CNIH3: variants seen among roughly 807,000 people sequenced by gnomAD.
CNIH3 encodes the protein protein cornichon homolog 3.
A neutral mutation model predicts 24.1 loss-of-function variants in CNIH3; 14 were observed. That is an observed-to-expected ratio of 0.58 (90% CI 0.38 to 0.91). CNIH3 has a LOEUF of 0.91. CNIH3 is among the 40% of genes least tolerant of loss of function. The pLI, the probability that CNIH3 is intolerant of heterozygous loss-of-function variation, is 0.00. For synonymous variants in CNIH3, 68 were observed against 73.8 expected, an observed-to-expected ratio of 0.92 and a Z score of 0.40; for missense variants, 178 against 196.8, an observed-to-expected ratio of 0.90 and a Z score of 0.57.
intron 3 of CNIH3, among the ~76,000 whole-genome samples, chr1:224,561,012 C>T (rs573392977): frequency 4.3e-4 from 66 of 152,250 alleles, no homozygotes; most frequent in African/African-American, 1.6e-3. Flanking sequence ...TGTTTACTGG[C>T]CATTTGCATG....
intron 4 of CNIH3, among the ~76,000 whole-genome samples, chr1:224,582,914 A>C (rs990612683): frequency 6.6e-6 from 1 of 152,030 alleles, no homozygotes; most frequent in African/African-American, 2.4e-5. Flanking sequence ...TCTCCATGGT[A>C]CTCGGCCACA....
intron 3 of CNIH3, among the ~76,000 whole-genome samples, chr1:224,557,754 G>A (rs1178742934): frequency 1.3e-5 from 2 of 152,158 alleles, no homozygotes; most frequent in African/African-American, 4.8e-5. Context: ...ACCACACCTG[G>A]CCCTCAACCA....
intron 2 of CNIH3, among the ~76,000 whole-genome samples, chr1:224,535,893 G>A (rs896022457): frequency 2.6e-5 from 4 of 152,220 alleles, no homozygotes; most frequent in African/African-American, 9.6e-5. Flanking sequence ...TCCTGTAGAG[G>A]CATGGGACCG....
At chr1:224,509,456 C>T (rs542636150) in intron 1 of CNIH3, among the ~76,000 whole-genome samples, 12 of 152,270 alleles carry the variant, frequency 7.9e-5, no homozygotes, top group Admixed American at 4.6e-4. Context: ...TGCTTTCCTC[C>T]AGCTCACACA....
intron 1 of CNIH3, among the ~76,000 whole-genome samples, chr1:224,447,105 G>A (rs1176442732): frequency 6.6e-6 from 1 of 152,064 alleles, no homozygotes; most frequent in Non-Finnish European, 1.5e-5. Flanking sequence ...ATGAGAGGGG[G>A]TTTATTAGGG....
chr1:224,515,425 C>T (rs1005240298), upstream of CNIH3, among the ~76,000 whole-genome samples: 2 of 152,226 alleles, frequency 1.3e-5, no homozygotes, highest in Admixed American at 1.3e-4. Flanking sequence ...CAGCTAATAT[C>T]TTGAGCACAA....
chr1:224,671,360 C>A (rs1479453686), intron 1 of CNIH3, among the ~76,000 whole-genome samples: 1 of 152,192 alleles, frequency 6.6e-6, no homozygotes, highest in Non-Finnish European at 1.5e-5. Flanking sequence ...GTAGACCATT[C>A]ATTTGATTGG....
At chr1:224,450,776 A>G (rs1572264087) in intron 1 of CNIH3, among the ~76,000 whole-genome samples, 2 of 152,000 alleles carry the variant, frequency 1.3e-5, no homozygotes, top group Non-Finnish European at 2.9e-5. Flanking sequence ...GGGAGCAGAC[A>G]CCCCCTCCAC....
chr1:224,730,357 C>T (rs1424791558), intron 3 of CNIH3, 105 bp from the exon 4 acceptor site: 37 of 706,856 alleles, frequency 5.2e-5, no homozygotes, highest in Non-Finnish European at 9.2e-5. Context: ...GCCTTTGTGT[C>T]AACCGTCTGT....
At chr1:224,557,253 G>T (rs779446151) in intron 3 of CNIH3, among the ~76,000 whole-genome samples, 1 of 152,014 alleles carries the variant, frequency 6.6e-6, no homozygotes, top group Non-Finnish European at 1.5e-5. Context: ...TTGCTGTGTT[G>T]CTCAGGCTGG....
At chr1:224,624,414 G>T (rs1013062905) in intron 1 of CNIH3, among the ~76,000 whole-genome samples, 12 of 151,900 alleles carry the variant, frequency 7.9e-5, no homozygotes, top group African/African-American at 2.9e-4. Context: ...TGTGTCCATG[G>T]GGCCACCTGC....
At chr1:224,628,198 G>T (rs185242221) in intron 1 of CNIH3, among the ~76,000 whole-genome samples, 2 of 152,178 alleles carry the variant, frequency 1.3e-5, no homozygotes, top group Admixed American at 1.3e-4. Context: ...CTACCTGAGA[G>T]CAAAAGGGAT....
chr1:224,490,081 G>C (rs893397456), intron 1 of CNIH3, among the ~76,000 whole-genome samples: 1 of 152,214 alleles, frequency 6.6e-6, no homozygotes, highest in Non-Finnish European at 1.5e-5. Flanking sequence ...AAAGCATTTA[G>C]AAGAGAAAGC....
At chr1:224,632,200 A>C (rs527470719) in intron 1 of CNIH3, among the ~76,000 whole-genome samples, 2 of 152,268 alleles carry the variant, frequency 1.3e-5, no homozygotes, top group South Asian at 4.1e-4. Context: ...TTCTGTTTGA[A>C]CACATGTGCA....
At chr1:224,577,507 C>A (rs960006811) in intron 4 of CNIH3, among the ~76,000 whole-genome samples, 8 of 151,918 alleles carry the variant, frequency 5.3e-5, no homozygotes, top group Non-Finnish European at 1.2e-4. Flanking sequence ...CACAATGTGA[C>A]ACCAACTTAC....
At chr1:224,711,009 TG>T (rs1688109875) in intron 3 of CNIH3, among the ~76,000 whole-genome samples, 1 of 152,216 alleles carries the variant, frequency 6.6e-6, no homozygotes, top group Non-Finnish European at 1.5e-5. Flanking sequence ...CCACACAGCC[TG>T]TGCAGTCCTA....
Position 224,739,553 on chromosome 1 carries a change from G to C in CNIH3, c.*197G>C. On this transcript the variant is annotated 3_prime_UTR_variant, in exon 6 of 6. Transcript: ENST00000272133. Reference sequence around the variant, plus strand: ...TAACCCTGCGTGTCTGTGTCACCCTGTTTGTCAATCTTTGGCATTCGAATT... The same window carrying C: ...TAACCCTGCGTGTCTGTGTCACCCTCTTTGTCAATCTTTGGCATTCGAATT... 2 of 996,270 alleles carry C rather than the reference G, an allele frequency of 2.0e-6. No individual in the cohort carries two copies. Among genetic ancestry groups the C allele is most frequent in the Non-Finnish European group, 2.9e-6 (2 of 688,020 alleles). 61.7% of individuals were successfully genotyped at this position (996,270 alleles called of 1,614,324 possible).
At chr1:224,434,709 C>T in exon 1 of CNIH3, 1 of 952,092 alleles carries the variant, frequency 1.1e-6, no homozygotes. Context: ...CGGCGGCGGG[C>T]GGCAGCGGAG....
At position 224,478,293 on chromosome 1, in the gene CNIH3, CT is replaced by C. The variant is rs1676665115; in HGVS notation, n.204-37446del. Among the ~76,000 whole-genome samples the C allele has an allele frequency of 5.3e-5, 8 of 152,206 alleles. No individual in the cohort carries two copies. The South Asian group carries it at 1.7e-3, about 32-fold the overall frequency. On this transcript the variant is annotated intron_variant and non_coding_transcript_variant, in intron 1 of 5. Coordinates refer to the CNIH3 transcript ENST00000471578. ...TACCTTCTCTTTAAGGCCAATAACTCTTAGATTTGCCCTTTTGAGGTTATTT... is the reference window on the plus strand; with the variant it reads ...TACCTTCTCTTTAAGGCCAATAACTCTAGATTTGCCCTTTTGAGGTTATTT...
Sources: gnomAD v4.1 joint callset for allele counts (sites outside exome capture counted in the v4.1 genomes callset) on GRCh38, gnomAD v4.1.1 for gene constraint, MANE v1.5 for transcripts, NCBI Gene and HGNC (gene_info 2026-07-23, HGNC 2026-07-21) for gene names.